Variants in RPS6KC1 observed in about 807,000 individuals in gnomAD.
The protein encoded by RPS6KC1 is ribosomal protein S6 kinase C1.
RPS6KC1 carries 54 observed loss-of-function variants against 103.8 expected under a neutral mutation model. The ratio of observed to expected loss-of-function variants is 0.52; its 90% CI spans 0.42 to 0.65. The LOEUF (loss-of-function observed/expected upper bound fraction) is 0.65, where lower values mean the gene tolerates loss of function less well. Among genes scored for constraint, RPS6KC1 ranks in the 30% least tolerant of loss-of-function variants. The pLI is 0.00. For missense variants in RPS6KC1, 1,151 were observed against 1,253.8 expected, an observed-to-expected ratio of 0.92 and a Z score of 1.24; for synonymous variants, 439 against 438.7, an observed-to-expected ratio of 1.00 and a Z score of -0.01.
intron 8 of RPS6KC1, among the ~76,000 whole-genome samples, chr1:213,221,235 T>C (rs1216913232): frequency 6.6e-6 from 1 of 152,146 alleles, no homozygotes; most frequent in East Asian, 1.9e-4. Flanking sequence ...CTTAAGTATA[T>C]TCCATTAGGA....
At chr1:213,494,867 C>G in the RPS6KC1 span, among the ~76,000 whole-genome samples, 3 of 150,794 alleles carry the variant, frequency 2.0e-5, no homozygotes, top group Non-Finnish European at 4.4e-5. Context: ...GACACATAGA[C>G]ATCCTGAAAA....
At chr1:213,307,339 C>G in the RPS6KC1 span, among the ~76,000 whole-genome samples, 9 of 152,146 alleles carry the variant, frequency 5.9e-5, no homozygotes, top group South Asian at 2.1e-4. Context: ...GCGTGAGTCG[C>G]CGCGCCTGGC....
At chr1:213,217,303 C>G (rs146729272) in intron 8 of RPS6KC1, among the ~76,000 whole-genome samples, 1 of 151,402 alleles carries the variant, frequency 6.6e-6, no homozygotes, top group Non-Finnish European at 1.5e-5. Context: ...ACACATACAC[C>G]CTCCCAAGAC....
chr1:213,269,833 T>C (rs2095000617), intron 14 of RPS6KC1, among the ~76,000 whole-genome samples: 1 of 151,898 alleles, frequency 6.6e-6, no homozygotes, highest in South Asian at 2.1e-4. Flanking sequence ...GAGGATCACT[T>C]GAGTACAGGA....
chr1:213,250,816 A>G (rs952313029), intron 12 of RPS6KC1, among the ~76,000 whole-genome samples: 5 of 152,198 alleles, frequency 3.3e-5, no homozygotes, highest in Non-Finnish European at 5.9e-5. Context: ...CCATTGTCAT[A>G]TACAAAAACT....
intron 6 of RPS6KC1, among the ~76,000 whole-genome samples, chr1:213,152,860 T>C (rs1023313374): frequency 1.3e-5 from 2 of 152,158 alleles, no homozygotes; most frequent in African/African-American, 2.4e-5. Flanking sequence ...GAGGCTGCAA[T>C]GTCGGCACTT....
At chr1:213,639,144 G>A in the RPS6KC1 span, among the ~76,000 whole-genome samples, 2 of 151,936 alleles carry the variant, frequency 1.3e-5, no homozygotes, top group Non-Finnish European at 2.9e-5. Flanking sequence ...GTTTCCAATT[G>A]TATGTTGTTA....
chr1:213,254,536 G>T (rs1412308094), intron 12 of RPS6KC1, among the ~76,000 whole-genome samples: 3 of 152,154 alleles, frequency 2.0e-5, no homozygotes, highest in Non-Finnish European at 4.4e-5. Context: ...TATGAGAAAG[G>T]CTCATGAGTG....
At chr1:213,120,517 A>G (rs1196952146) in intron 5 of RPS6KC1, among the ~76,000 whole-genome samples, 2 of 152,144 alleles carry the variant, frequency 1.3e-5, no homozygotes, top group Admixed American at 6.6e-5. Context: ...AGGAACATCT[A>G]GTAGCAAAAG....
the RPS6KC1 span, among the ~76,000 whole-genome samples, chr1:213,299,434 C>G: frequency 6.6e-6 from 1 of 151,716 alleles, no homozygotes; most frequent in African/African-American, 2.4e-5. Flanking sequence ...CACCTGTAAT[C>G]CCAGCTACTT....
At chr1:213,635,093 A>T in the RPS6KC1 span, among the ~76,000 whole-genome samples, 1 of 152,240 alleles carries the variant, frequency 6.6e-6, no homozygotes, top group Non-Finnish European at 1.5e-5. Context: ...ATCTCTGAAT[A>T]GACCAATAAC....
chr1:213,482,172 G>C, the RPS6KC1 span, among the ~76,000 whole-genome samples: 1 of 151,760 alleles, frequency 6.6e-6, no homozygotes, highest in South Asian at 2.1e-4. Flanking sequence ...ATATTACCCA[G>C]TCTCAAGTAT....
intron 14 of RPS6KC1, among the ~76,000 whole-genome samples, chr1:213,271,667 G>C (rs2095050226): frequency 6.6e-6 from 1 of 151,694 alleles, no homozygotes; most frequent in Admixed American, 6.6e-5. Flanking sequence ...GGGAGGCTGA[G>C]GCAGGAGAAT....
the RPS6KC1 span, among the ~76,000 whole-genome samples, chr1:213,491,663 T>C: frequency 3.3e-5 from 5 of 152,166 alleles, no homozygotes; most frequent in Non-Finnish European, 7.4e-5. Flanking sequence ...AGGTGACTGT[T>C]AGTAGGGTAA....
the RPS6KC1 span, among the ~76,000 whole-genome samples, chr1:213,844,457 A>C: frequency 1.3e-5 from 2 of 152,216 alleles, no homozygotes; most frequent in Non-Finnish European, 2.9e-5. Context: ...CTTTATTCTT[A>C]TTATTAGTAT....
chr1:213,813,396 A>C, the RPS6KC1 span, among the ~76,000 whole-genome samples: 1 of 151,854 alleles, frequency 6.6e-6, no homozygotes, highest in East Asian at 2.0e-4. Context: ...TTCCATGTTG[A>C]ACAACCCCGG....
At chr1:213,605,484 C>T in the RPS6KC1 span, among the ~76,000 whole-genome samples, 5 of 152,136 alleles carry the variant, frequency 3.3e-5, no homozygotes, top group Non-Finnish European at 7.3e-5. Context: ...TCAAAATGTA[C>T]ACTATTGCTG....
chr1:213,742,426 G>A, the RPS6KC1 span, among the ~76,000 whole-genome samples: 3 of 152,192 alleles, frequency 2.0e-5, no homozygotes, highest in Non-Finnish European at 4.4e-5. Flanking sequence ...TATTCTTTAG[G>A]AAGTGCACAC....
chr1:213,131,535 C>A (rs768064804), intron 6 of RPS6KC1, among the ~76,000 whole-genome samples: 1 of 151,982 alleles, frequency 6.6e-6, no homozygotes, highest in Non-Finnish European at 1.5e-5. Context: ...CCTTTGCCTC[C>A]GGGGTTCAAG....
Sources: gnomAD v4.1 joint callset for allele counts (sites outside exome capture counted in the v4.1 genomes callset) on GRCh38, gnomAD v4.1.1 for gene constraint, MANE v1.5 for transcripts, NCBI Gene and HGNC (gene_info 2026-07-23, HGNC 2026-07-21) for gene names.